The following PSD2 variants were observed in gnomAD, a reference collection of about 807,000 sequenced individuals.
The protein encoded by PSD2 is PH and SEC7 domain-containing protein 2.
PSD2 carries 38 observed loss-of-function variants against 69.8 expected under a neutral mutation model. That is an observed-to-expected ratio of 0.54 (90% confidence interval 0.42 to 0.71). The LOEUF is 0.71. PSD2 is among the 30% of genes least tolerant of loss of function. PSD2 has a pLI of 0.00. For missense variants in PSD2, 943 were observed against 1,014.5 expected (o/e 0.93, Z 0.96); for synonymous variants, 412 against 423.0 (o/e 0.97, Z 0.32).
chr5:139,833,578 C>G (rs573373675), intron 7 of PSD2, 124 bp from the exon 8 acceptor site: 1 of 714,246 alleles, frequency 1.4e-6, no homozygotes, highest in Non-Finnish European at 2.6e-6. Flanking sequence ...AGAAAATTCA[C>G]GCAATTTAAT....
intron 2 of PSD2, among the ~76,000 whole-genome samples, 183 bp from the exon 3 acceptor site, chr5:139,813,126 T>G (rs1203494581): frequency 6.6e-6 from 1 of 152,218 alleles, no homozygotes; most frequent in South Asian, 2.1e-4. Context: ...CCCTGCAGTA[T>G]TCCCAGTACC....
At chr5:139,756,570 T>A in the PSD2 span, among the ~76,000 whole-genome samples, 259 of 151,812 alleles carry the variant, frequency 1.7e-3, 1 homozygote, top group African/African-American at 6.0e-3. Flanking sequence ...GGACTTTAGG[T>A]GGAGATTCTA....
At chr5:139,826,241 GGCCATAGACA>G (rs1760417321) in intron 7 of PSD2, among the ~76,000 whole-genome samples, 1 of 152,198 alleles carries the variant, frequency 6.6e-6, no homozygotes, top group African/African-American at 2.4e-5. Context: ...AGGGTGTGGT[GGCCATAGACA>G]GCTCTTAAGA....
the PSD2 span, among the ~76,000 whole-genome samples, chr5:139,750,490 C>T: frequency 6.6e-6 from 1 of 152,226 alleles, no homozygotes; most frequent in South Asian, 2.1e-4. Context: ...TTCCAAAGGG[C>T]ATGACCCTTC....
chr5:139,827,368 G>C (rs1760452577), intron 7 of PSD2, among the ~76,000 whole-genome samples: 1 of 152,224 alleles, frequency 6.6e-6, no homozygotes, highest in African/African-American at 2.4e-5. Flanking sequence ...TAGCACAGCT[G>C]TGTGTCCTAC....
chr5:139,813,655 C>G lies in PSD2; in HGVS notation c.718C>G (p.Leu240Val), dbSNP rs1760035041. 1 of 1,613,948 alleles carries G rather than the reference C, an allele frequency of 6.2e-7. No homozygotes were observed. Residue 240 changes from leucine (L) to valine (V), a missense_variant, in exon 3 of 15, where the codon CTC (leucine) becomes GTC (valine). Coordinates refer to ENST00000274710, the MANE Select transcript of PSD2 (RefSeq NM_032289.4). Reference protein sequence around the residue: ...RSENVLSRLSLMAMPNGFHED... With the variant: ...RSENVLSRLSVMAMPNGFHED... The stretch of plus-strand genomic sequence containing the variant: ...TGAGAATGTCCTGAGCCGCCTGTCT[C>G]TCATGGCCATGCCCAATGGATTCCA...
intron 1 of PSD2, among the ~76,000 whole-genome samples, chr5:139,797,516 A>G (rs1255478724): frequency 1.3e-5 from 2 of 152,324 alleles, no homozygotes; most frequent in East Asian, 1.9e-4. Context: ...CTGGTCTGAC[A>G]ACTATGGGGT....
At chr5:139,803,764 G>A (rs1759730955) in intron 1 of PSD2, among the ~76,000 whole-genome samples, 1 of 152,202 alleles carries the variant, frequency 6.6e-6, no homozygotes, top group Non-Finnish European at 1.5e-5. Flanking sequence ...AAGTTCCCTA[G>A]GCTCCTGGGT....
chr5:139,831,885 G>T (rs1039443711), intron 7 of PSD2, among the ~76,000 whole-genome samples: 11 of 152,066 alleles, frequency 7.2e-5, no homozygotes, highest in Non-Finnish European at 1.5e-4. Context: ...TGTGACTGGG[G>T]TGTTTCCCAG....
At chr5:139,831,200 T>C (rs1172260032) in intron 7 of PSD2, among the ~76,000 whole-genome samples, 1 of 152,220 alleles carries the variant, frequency 6.6e-6, no homozygotes, top group African/African-American at 2.4e-5. Flanking sequence ...CTAGTAATGC[T>C]TCTTGCCTTC....
At chr5:139,793,010 C>T (rs1048362627), upstream of PSD2, among the ~76,000 whole-genome samples, 5 of 151,664 alleles carry the variant, frequency 3.3e-5, no homozygotes, top group African/African-American at 9.7e-5. Flanking sequence ...TGTAGTGGCA[C>T]GATCTTGGCT....
the PSD2 span, among the ~76,000 whole-genome samples, chr5:139,787,662 C>A: frequency 6.6e-6 from 1 of 152,234 alleles, no homozygotes; most frequent in Non-Finnish European, 1.5e-5. Flanking sequence ...GAGCCCCCGT[C>A]GCTGGCCTTC....
At chr5:139,750,728 C>CTA in the PSD2 span, among the ~76,000 whole-genome samples, 1 of 152,186 alleles carries the variant, frequency 6.6e-6, no homozygotes, top group East Asian at 1.9e-4. Flanking sequence ...GGGAAAGAGT[C>CTA]TGTCAAGAGC....
chr5:139,799,985 G>A (rs1759628568), intron 1 of PSD2, among the ~76,000 whole-genome samples: 1 of 152,108 alleles, frequency 6.6e-6, no homozygotes, highest in African/African-American at 2.4e-5. Flanking sequence ...CCCAACTGTG[G>A]CCCCCTTGCA....
chr5:139,784,352 C>G, the PSD2 span, among the ~76,000 whole-genome samples: 1 of 152,096 alleles, frequency 6.6e-6, no homozygotes, highest in Non-Finnish European at 1.5e-5. Context: ...GTATCTCCAC[C>G]CAGACTTTTC....
chr5:139,761,016 A>G, the PSD2 span, among the ~76,000 whole-genome samples: 1 of 152,190 alleles, frequency 6.6e-6, no homozygotes, highest in East Asian at 1.9e-4. Flanking sequence ...ATAAATACAC[A>G]AATAAATAAA....
chr5:139,755,664 T>C, the PSD2 span, among the ~76,000 whole-genome samples: 4 of 139,676 alleles, frequency 2.9e-5, no homozygotes, highest in Non-Finnish European at 6.2e-5. Flanking sequence ...TGTGTGTGTG[T>C]GTGCGCGCGC....
the PSD2 span, among the ~76,000 whole-genome samples, chr5:139,776,132 C>G: frequency 6.6e-6 from 1 of 152,240 alleles, no homozygotes; most frequent in Non-Finnish European, 1.5e-5. Context: ...AACATCCAGT[C>G]TCCTTCCTGA....
At chr5:139,752,372 G>A in the PSD2 span, among the ~76,000 whole-genome samples, 1 of 152,060 alleles carries the variant, frequency 6.6e-6, no homozygotes, top group Non-Finnish European at 1.5e-5. Flanking sequence ...CTCATCACCA[G>A]CATGCACTGT....
Sources: gnomAD v4.1 joint callset for allele counts (sites outside exome capture counted in the v4.1 genomes callset) on GRCh38, gnomAD v4.1.1 for gene constraint, MANE v1.5 for transcripts, NCBI Gene and HGNC (gene_info 2026-07-23, HGNC 2026-07-21) for gene names.